The following SEMA3A variants were observed in gnomAD, a reference collection of about 807,000 sequenced individuals.
SEMA3A encodes semaphorin 3A, also known as semaphorin-3A.
SEMA3A carries 29 observed loss-of-function variants against 97.9 expected under a neutral mutation model. The observed-to-expected ratio is 0.30, with a 90% CI of 0.22 to 0.40. SEMA3A has a LOEUF of 0.40. Among genes scored for constraint, SEMA3A ranks in the 10% least tolerant of loss-of-function variants. SEMA3A has a pLI of 1.00. For synonymous variants in SEMA3A, 321 were observed against 323.7 expected (o/e 0.99, Z 0.09); for missense variants, 763 against 951.3 (o/e 0.80, Z 2.60).
chr7:84,424,146 T>C (rs957573460), intron 1 of SEMA3A, among the ~76,000 whole-genome samples: 3 of 151,506 alleles, frequency 2.0e-5, no homozygotes, highest in Admixed American at 6.7e-5. Context: ...ACTGGGTATC[T>C]ACCCAAAGGA....
At chr7:84,292,446 A>AG (rs1158437773) in intron 3 of SEMA3A, among the ~76,000 whole-genome samples, 1 of 151,786 alleles carries the variant, frequency 6.6e-6, no homozygotes, top group Non-Finnish European at 1.5e-5. Context: ...AAAAAAAAAA[A>AG]CGATTACCAC....
chr7:84,367,886 A>G (rs1487636725), intron 2 of SEMA3A, among the ~76,000 whole-genome samples: 1 of 151,254 alleles, frequency 6.6e-6, no homozygotes, highest in African/African-American at 2.4e-5. Context: ...TGTTTATCTA[A>G]AAGAATCTTG....
intron 2 of SEMA3A, among the ~76,000 whole-genome samples, chr7:84,363,452 A>T (rs1489485960): frequency 1.3e-5 from 2 of 151,852 alleles, no homozygotes; most frequent in African/African-American, 2.4e-5. Flanking sequence ...TCAATTTTTC[A>T]CCCCAGTTCT....
At chr7:84,423,484 T>C (rs1804656103) in intron 1 of SEMA3A, among the ~76,000 whole-genome samples, 1 of 152,038 alleles carries the variant, frequency 6.6e-6, no homozygotes, top group Non-Finnish European at 1.5e-5. Flanking sequence ...ACCAAAGAGG[T>C]CTTCTGTGGT....
intron 2 of SEMA3A, among the ~76,000 whole-genome samples, chr7:84,310,836 T>A (rs150260779): frequency 6.6e-6 from 1 of 152,076 alleles, no homozygotes; most frequent in Non-Finnish European, 1.5e-5. Context: ...TTCCCTCACT[T>A]TCTCTTCTCT....
intron 1 of SEMA3A, among the ~76,000 whole-genome samples, chr7:84,422,655 G>T (rs879671519): frequency 5.9e-5 from 9 of 152,052 alleles, no homozygotes; most frequent in African/African-American, 1.7e-4. Flanking sequence ...GGTATTTAGT[G>T]CTATAAATTA....
intron 12 of SEMA3A, among the ~76,000 whole-genome samples, chr7:83,990,205 A>T (rs1562957886): frequency 6.6e-6 from 1 of 151,876 alleles, no homozygotes; most frequent in African/African-American, 2.4e-5. Flanking sequence ...TTCATTGTAG[A>T]TTCTGGATAT....
chr7:84,013,210 CT>C (rs1181953935), intron 7 of SEMA3A, among the ~76,000 whole-genome samples: 2 of 152,074 alleles, frequency 1.3e-5, no homozygotes, highest in African/African-American at 4.8e-5. Context: ...TAAGAGTTAA[CT>C]TTTTCATATT....
chr7:84,268,248 CATGT>C (rs1241285865), intron 3 of SEMA3A, among the ~76,000 whole-genome samples: 54 of 106,690 alleles, frequency 5.1e-4, no homozygotes, highest in African/African-American at 1.9e-3. Flanking sequence ...GAGACATAAG[CATGT>C]GTGTGTGTGT....
chr7:84,256,571 T>C (rs1799724595), intron 3 of SEMA3A, among the ~76,000 whole-genome samples: 1 of 152,076 alleles, frequency 6.6e-6, no homozygotes, highest in African/African-American at 2.4e-5. Flanking sequence ...CTGAGTTTGC[T>C]GAACAAAGGG....
At chr7:84,069,581 T>C (rs183655432) in intron 4 of SEMA3A, among the ~76,000 whole-genome samples, 1 of 152,126 alleles carries the variant, frequency 6.6e-6, no homozygotes, top group East Asian at 1.9e-4. Context: ...TTCTTATAGG[T>C]AGATGAGAAG....
chr7:84,304,472 T>TA (rs1211767739), intron 3 of SEMA3A, among the ~76,000 whole-genome samples: 3 of 152,022 alleles, frequency 2.0e-5, no homozygotes, highest in Admixed American at 1.3e-4. Context: ...ACTCAATCAT[T>TA]AAAAAAGTAG....
chr7:84,023,695 G>A (rs1791418484), intron 6 of SEMA3A, among the ~76,000 whole-genome samples: 1 of 151,996 alleles, frequency 6.6e-6, no homozygotes, highest in African/African-American at 2.4e-5. Context: ...CACCACCTAT[G>A]AAAGGAAAAA....
At chr7:84,060,395 TAAA>T (rs1793165277) in intron 5 of SEMA3A, 67 bp downstream of exon 5, 2 of 946,798 alleles carry the variant, frequency 2.1e-6, no homozygotes, top group Admixed American at 5.5e-5. Flanking sequence ...TCTTGGTAGA[TAAA>T]AAAGAACATA....
At chr7:83,963,610 A>G (rs934448986) in intron 15 of SEMA3A, among the ~76,000 whole-genome samples, 2 of 152,190 alleles carry the variant, frequency 1.3e-5, no homozygotes, top group Non-Finnish European at 2.9e-5. Context: ...TACAAAATCA[A>G]TCATGTGTGT....
At chr7:84,042,872 G>C (rs1455968268) in intron 6 of SEMA3A, among the ~76,000 whole-genome samples, 2 of 151,940 alleles carry the variant, frequency 1.3e-5, no homozygotes, top group African/African-American at 4.8e-5. Flanking sequence ...ACAATAACTA[G>C]GTAGTAGTAT....
chr7:84,122,133 C>A (rs1327838605), intron 3 of SEMA3A, among the ~76,000 whole-genome samples: 1 of 151,648 alleles, frequency 6.6e-6, no homozygotes. Context: ...TTTACAGTCC[C>A]ACCAACAGTG....
chr7:84,308,261 T>G (rs1265355931), intron 2 of SEMA3A, among the ~76,000 whole-genome samples: 1 of 152,178 alleles, frequency 6.6e-6, no homozygotes, highest in East Asian at 1.9e-4. Context: ...GATCCCTTAC[T>G]GTGTGATAGG....
chr7:84,289,123 A>T (rs886976147), intron 3 of SEMA3A, among the ~76,000 whole-genome samples: 24 of 152,260 alleles, frequency 1.6e-4, no homozygotes, highest in African/African-American at 5.1e-4. Flanking sequence ...GCACAGAATG[A>T]CAAATACTAC....
Sources: gnomAD v4.1 joint callset for allele counts (sites outside exome capture counted in the v4.1 genomes callset) on GRCh38, gnomAD v4.1.1 for gene constraint, MANE v1.5 for transcripts, NCBI Gene and HGNC (gene_info 2026-07-23, HGNC 2026-07-21) for gene names.